The following GRIN2A variants were observed in gnomAD, a reference collection of about 807,000 sequenced individuals.
GRIN2A encodes the protein glutamate receptor ionotropic, NMDA 2A.
Under a neutral mutation model 113.4 loss-of-function variants are expected in GRIN2A, and 22 were observed. The observed-to-expected ratio is 0.19, with a 90% CI of 0.14 to 0.28. The LOEUF (loss-of-function observed/expected upper bound fraction) is 0.28. Among genes scored for constraint, GRIN2A ranks in the 10% least tolerant of loss-of-function variants. The pLI is 1.00. For missense variants in GRIN2A, 1,502 were observed against 1,887.0 expected (o/e 0.80, Z 3.78); for synonymous variants, 827 against 738.4 (o/e 1.12, Z -1.94).
intron 2 of GRIN2A, among the ~76,000 whole-genome samples, chr16:10,028,650 C>A (rs2046866944): frequency 6.6e-6 from 1 of 152,148 alleles, no homozygotes; most frequent in South Asian, 2.1e-4. Context: ...CCAGGAATAC[C>A]CACCATTGGA....
At chr16:9,812,911 A>G (rs1170057811) in intron 10 of GRIN2A, among the ~76,000 whole-genome samples, 1 of 152,220 alleles carries the variant, frequency 6.6e-6, no homozygotes, top group African/African-American at 2.4e-5. Flanking sequence ...AGAATCATGC[A>G]TTAAGCTCTG....
chr16:9,869,074 G>C (rs766122777), intron 4 of GRIN2A, among the ~76,000 whole-genome samples: 1 of 152,182 alleles, frequency 6.6e-6, no homozygotes, highest in Non-Finnish European at 1.5e-5. Context: ...ACTGTGTTCT[G>C]TTTGCCTTTA....
intron 2 of GRIN2A, among the ~76,000 whole-genome samples, chr16:10,011,407 T>C (rs555894089): frequency 4.6e-5 from 7 of 152,308 alleles, no homozygotes; most frequent in African/African-American, 1.7e-4. Context: ...ACCATTCTTC[T>C]GTAAGTAGCA....
At chr16:10,064,489 C>G (rs570419757) in intron 2 of GRIN2A, among the ~76,000 whole-genome samples, 1 of 152,302 alleles carries the variant, frequency 6.6e-6, no homozygotes, top group South Asian at 2.1e-4. Flanking sequence ...CCATGTTAAC[C>G]CAGCGACTCC....
intron 2 of GRIN2A, among the ~76,000 whole-genome samples, chr16:10,007,966 A>C (rs1489576588): frequency 6.6e-6 from 1 of 152,174 alleles, no homozygotes; most frequent in Non-Finnish European, 1.5e-5. Context: ...CCTCTGGTAC[A>C]TCCTCTATAA....
chr16:10,046,327 TG>T lies in GRIN2A; in HGVS notation c.415-107777del, dbSNP rs1317069551. 6.5e-5 allele frequency among the ~76,000 whole-genome samples: 7 copies of T among 107,458 alleles called. No homozygotes were observed. The East Asian group carries it at 4.0e-3, about 62-fold the overall frequency. 70.5% of individuals were successfully genotyped at this position (107,458 alleles called of 152,430 possible). Reference sequence around the variant, plus strand: ...AAAAGGATGAAATACATTTTTAAATTGTTTTTTTTTTTTTCTTAAAGCCATG... The same window carrying T: ...AAAAGGATGAAATACATTTTTAAATTTTTTTTTTTTTTTCTTAAAGCCATG... On this transcript the variant is annotated intron_variant, in intron 2 of 12. Coordinates refer to ENST00000330684, the MANE Select transcript of GRIN2A (RefSeq NM_001134407.3).
At chr16:9,896,358 A>T (rs2141498805) in intron 3 of GRIN2A, among the ~76,000 whole-genome samples, 1 of 152,276 alleles carries the variant, frequency 6.6e-6, no homozygotes, top group East Asian at 1.9e-4. Context: ...CAAAACAGTG[A>T]TTGTTTTAAT....
intron 2 of GRIN2A, chr16:10,112,161 C>CAGCA: frequency 3.4e-6 from 2 of 586,820 alleles, no homozygotes. Context: ...CTGCCTGGAC[C>CAGCA]TGCTCACCTG....
chr16:9,967,105 T>C (rs1021901382), intron 2 of GRIN2A, among the ~76,000 whole-genome samples: 1 of 152,176 alleles, frequency 6.6e-6, no homozygotes, highest in African/African-American at 2.4e-5. Context: ...GGTCCCACAT[T>C]TTGAAATTTG....
intron 3 of GRIN2A, among the ~76,000 whole-genome samples, chr16:9,891,666 A>G (rs995474988): frequency 6.6e-5 from 10 of 152,168 alleles, no homozygotes; most frequent in Non-Finnish European, 7.3e-5. Context: ...AGAGTATGCT[A>G]TAAGAAAGTG....
intron 10 of GRIN2A, among the ~76,000 whole-genome samples, chr16:9,817,139 C>T (rs988309961): frequency 2.0e-5 from 3 of 152,180 alleles, no homozygotes; most frequent in Middle Eastern, 3.2e-3. Context: ...ATTCCAAAGA[C>T]AAGCATTTGG....
At chr16:9,883,946 G>A (rs915568647) in intron 4 of GRIN2A, among the ~76,000 whole-genome samples, 1 of 152,082 alleles carries the variant, frequency 6.6e-6, no homozygotes, top group African/African-American at 2.4e-5. Context: ...ATCTTTAATT[G>A]GATCTTCTCT....
intron 3 of GRIN2A, among the ~76,000 whole-genome samples, chr16:9,897,118 C>T (rs2043822352): frequency 6.6e-6 from 1 of 151,814 alleles, no homozygotes; most frequent in Non-Finnish European, 1.5e-5. Context: ...GCCAAGACGA[C>T]TTCTGTGTTG....
chr16:9,933,709 G>C (rs1013979505), intron 3 of GRIN2A, among the ~76,000 whole-genome samples: 2 of 152,114 alleles, frequency 1.3e-5, no homozygotes, highest in African/African-American at 2.4e-5. Flanking sequence ...TCTGCTTTCA[G>C]CTATCCAGAC....
At chr16:10,042,722 T>TA (rs1420405970) in intron 2 of GRIN2A, among the ~76,000 whole-genome samples, 2 of 152,132 alleles carry the variant, frequency 1.3e-5, no homozygotes, top group Non-Finnish European at 2.9e-5. Flanking sequence ...AATGATATAT[T>TA]AAGAGGAATC....
At chr16:10,105,508 T>C (rs959925619) in intron 2 of GRIN2A, among the ~76,000 whole-genome samples, 3 of 149,936 alleles carry the variant, frequency 2.0e-5, no homozygotes, top group African/African-American at 7.4e-5. Context: ...AAAAAATCAA[T>C]GGGGGAGGGG....
chr16:10,154,957 A>T (rs2049658525), intron 2 of GRIN2A, among the ~76,000 whole-genome samples: 1 of 152,214 alleles, frequency 6.6e-6, no homozygotes, highest in Non-Finnish European at 1.5e-5. Context: ...GATCAAATAG[A>T]TTTGGGAAAC....
At chr16:9,855,415 T>C (rs1408018736) in intron 4 of GRIN2A, among the ~76,000 whole-genome samples, 1 of 152,232 alleles carries the variant, frequency 6.6e-6, no homozygotes, top group Non-Finnish European at 1.5e-5. Context: ...TTTGTTAAAC[T>C]TATCTTCAGG....
rs532442406 is a variant in GRIN2A at position 10,127,672 on chromosome 16, G to A, written c.414+52326C>T. On this transcript the variant is annotated intron_variant, in intron 2 of 12. Coordinates refer to ENST00000330684, the MANE Select transcript of GRIN2A (RefSeq NM_001134407.3). ...TCCCTAGCAACTAGCACAGAGCCTG[G>A]CACCTAGCTCACAATCAATAAATAT... Among the ~76,000 whole-genome samples, 22 of 152,246 alleles carry A rather than the reference G, an allele frequency of 1.4e-4. No homozygotes were observed. In the South Asian group the frequency reaches 4.4e-3, roughly 30 times the overall value.
Sources: allele counts gnomAD v4.1 joint callset (sites outside exome capture counted in the v4.1 genomes callset), GRCh38; gene constraint gnomAD v4.1.1; transcripts MANE v1.5; gene names NCBI Gene and HGNC (gene_info 2026-07-23, HGNC 2026-07-21).